Variants in TSEN54 observed in about 807,000 individuals in gnomAD.
TSEN54 encodes the protein tRNA-splicing endonuclease subunit Sen54.
Under a neutral mutation model 61.9 loss-of-function variants are expected in TSEN54, and 55 were observed. The ratio of observed to expected loss-of-function variants is 0.89; its 90% CI spans 0.72 to 1.11. The LOEUF (loss-of-function observed/expected upper bound fraction) is 1.11, where lower values mean the gene tolerates loss of function less well. Among genes scored for constraint, TSEN54 ranks in the 50% most tolerant of loss-of-function variants. TSEN54 has a pLI of 0.00. For missense variants in TSEN54, 760 were observed against 687.7 expected, an observed-to-expected ratio of 1.11 and a Z score of -1.18; for synonymous variants, 304 against 288.7, an observed-to-expected ratio of 1.05 and a Z score of -0.54.
intron 8 of TSEN54, 100 bp from the exon 9 acceptor site, chr17:75,523,174 GT>G: frequency 6.6e-7 from 1 of 1,524,152 alleles, no homozygotes; most frequent in Non-Finnish European, 9.1e-7. Flanking sequence ...GTGAGACTCC[GT>G]TTAAAAAAAA....
In TSEN54 at chr17:75,524,383, T is replaced by C. The variant is rs749096965; in HGVS notation, c.1552T>C (p.Phe518Leu). 2.7e-5 allele frequency: 43 copies of C among 1,614,174 alleles called. No individual in the cohort carries two copies. The East Asian group carries it at 9.6e-4, about 36-fold the overall frequency. ...GDISFYSFRD[F>L]TLPQDVGH ...CATCTCCTTCTACAGCTTCAGGGAC[T>C]TCACGTTGCCCCAGGATGTGGGGCA... Residue 518 changes from phenylalanine (F) to leucine (L), a missense_variant, in exon 11 of 11, where the codon TTC (phenylalanine) becomes CTC (leucine). Phe to Leu is a conservative substitution (Grantham distance 22). This residue lies in a region of TSEN54 where 83 missense variants were observed against 82.9 expected (regional missense o/e 1.00). Transcript: ENST00000333213.
At position 75,521,902 on chromosome 17, in the gene TSEN54, G is replaced by A. The variant is rs1460815000; in HGVS notation, c.821G>A (p.Gly274Glu). Residue 274 changes from glycine to glutamate, a missense_variant, in exon 8 of 11, where the codon GGG (glycine) becomes GAG (glutamate). Coordinates refer to ENST00000333213, the MANE Select transcript of TSEN54 (RefSeq NM_207346.3). The stretch of plus-strand genomic sequence containing the variant: ...CCCAGCCCTGGCCCGGCCAGGGAGG[G>A]GGTGGGGTGCAGCTGGGAGAGTGGC... ...LGPSPGPARE[G>E]VGCSWESGRA... is the part of the protein sequence containing the mutation. The A allele has an allele frequency of 2.5e-6, 4 of 1,609,930 alleles. No homozygotes were observed. The highest frequency in any genetic ancestry group is 3.4e-6 in the Non-Finnish European group (4 of 1,178,674).
At chr17:75,522,971 A>G in intron 8 of TSEN54, 1 of 397,240 alleles carries the variant, frequency 2.5e-6, no homozygotes, top group Non-Finnish European at 4.8e-6. Context: ...ACCTGAGGTC[A>G]GGAGTTCGAG....
intron 5 of TSEN54, chr17:75,518,504 A>T (rs1245770464): frequency 1.0e-6 from 1 of 984,176 alleles, no homozygotes; most frequent in Non-Finnish European, 1.2e-6. Context: ...TGCTGAGATC[A>T]AGCAGGATGG....
Position 75,517,052 on chromosome 17 carries a change from G to C in TSEN54, c.265G>C (p.Val89Leu). ...CGAGTGGAGGCCAGAAGAGGGCTTC[G>C]TGGAGTTGAAGTCTCCCGCGGTGAG... ...AAEWRPEEGF[V>L]ELKSPAGKFW... Residue 89 changes from valine to leucine, a missense_variant, in exon 3 of 11, where the codon GTG becomes CTG. By Grantham distance (32) the Val-to-Leu change is conservative. This residue lies in a region of TSEN54 where 667 missense variants were observed against 577.8 expected (regional missense o/e 1.15). Transcript: ENST00000333213. 6.3e-7 allele frequency: 1 copy of C among 1,597,096 alleles called. No individual in the cohort carries two copies. Among genetic ancestry groups the C allele is most frequent in the South Asian group, 1.1e-5 (1 of 88,482 alleles).
intron 8 of TSEN54, chr17:75,522,608 A>G: frequency 1.6e-6 from 2 of 1,284,614 alleles, no homozygotes; most frequent in Non-Finnish European, 2.0e-6. Context: ...CTTTGCCACC[A>G]ACTAGCTGTG....
At chr17:75,518,594 C>T (rs2147009071) in intron 5 of TSEN54, 2 of 985,410 alleles carry the variant, frequency 2.0e-6, no homozygotes, top group Admixed American at 1.2e-4. Flanking sequence ...AGAAACTTCC[C>T]ACCGGCATCT....
intron 10 of TSEN54, among the ~76,000 whole-genome samples, 200 bp downstream of exon 10, chr17:75,523,979 G>A (rs954568986): frequency 6.6e-6 from 1 of 152,184 alleles, no homozygotes; most frequent in African/African-American, 2.4e-5. Flanking sequence ...TGGCATTTTA[G>A]GGTAGTCTTT....
chr17:75,524,438 C>G lies in TSEN54; in HGVS notation c.*26C>G. ...CCTCACAGCTCTGCAGAGGATGGAGCTTGCTCCGGGGGACCGGGACTGTCT... is the reference window on the plus strand; with the variant it reads ...CCTCACAGCTCTGCAGAGGATGGAGGTTGCTCCGGGGGACCGGGACTGTCT... On this transcript the variant is annotated 3_prime_UTR_variant, in exon 11 of 11. Transcript: ENST00000333213. 6.2e-7 allele frequency: 1 copy of G among 1,613,788 alleles called. No homozygotes were observed. Among genetic ancestry groups the G allele is most frequent in the African/African-American group, 1.3e-5 (1 of 75,066 alleles).
In TSEN54 at chr17:75,521,489, A is replaced by G; in HGVS notation, c.602A>G (p.Lys201Arg). The G allele has an allele frequency of 6.2e-7, 1 of 1,614,096 alleles. No individual in the cohort carries two copies. Among genetic ancestry groups the G allele is most frequent in the South Asian group, 1.1e-5 (1 of 91,088 alleles). Residue 201 changes from lysine (K) to arginine (R), a missense_variant, in exon 7 of 11, where the codon AAG becomes AGG. Transcript: ENST00000333213. ...TTGGAGGATGGAGATGGCAAGAGAA[A>G]GAGGAGCAGCTCCAGCCCTCGGTAA... ...QHLEDGDGKRKRSSSSPRSIN... is the reference protein window; with the variant it reads ...QHLEDGDGKRRRSSSSPRSIN...
chr17:75,523,140 C>A, intron 8 of TSEN54, 135 bp from the exon 9 acceptor site: 1 of 1,174,220 alleles, frequency 8.5e-7, no homozygotes, highest in Non-Finnish European at 1.3e-6. Context: ...GATCACGCCA[C>A]TATACTCCAG....
intron 5 of TSEN54, among the ~76,000 whole-genome samples, chr17:75,518,074 A>G (rs1243064849): frequency 6.6e-6 from 1 of 152,332 alleles, no homozygotes; most frequent in African/African-American, 2.4e-5. Context: ...GCACCAGTGG[A>G]TGAAGGTGCT....
chr17:75,523,268 C>T lies in TSEN54; in HGVS notation c.1253-7C>T. On this transcript the variant is annotated splice_region_variant and splice_polypyrimidine_tract_variant and intron_variant, in intron 8 of 10. Transcript: ENST00000333213. ...TCCCCAGTACCTTGTTTTCTGTGTC[C>T]TTGTAGCCGTGGTCCTTCAGCATAT... 6.2e-7 allele frequency: 1 copy of T among 1,614,066 alleles called. No individual in the cohort carries two copies. Among genetic ancestry groups the T allele is most frequent in the Middle Eastern group, 1.6e-4 (1 of 6,062 alleles).
intron 8 of TSEN54, chr17:75,522,537 TAAG>T (rs1181240260): frequency 6.9e-7 from 1 of 1,442,850 alleles, no homozygotes; most frequent in South Asian, 1.4e-5. Context: ...TCAGGAGAGG[TAAG>T]GAGGGGTGGA....
chr17:75,521,943 G>A lies in TSEN54; in HGVS notation c.862G>A (p.Val288Ile), dbSNP rs199682817. Residue 288 changes from valine (V) to isoleucine (I), a missense_variant, in exon 8 of 11, where the codon GTC (valine) becomes ATC (isoleucine). Physicochemically the swap from Val to Ile is conservative, Grantham distance 29. Coordinates refer to ENST00000333213, the MANE Select transcript of TSEN54 (RefSeq NM_207346.3). ...SWESGRAENG[V>I]TGAGKRRWNF... ...GGAGAGTGGCAGAGCCGAGAACGGA[G>A]TCACGGGAGCCGGTAAGCGGCGCTG... 146 of 1,610,662 alleles carry A rather than the reference G, an allele frequency of 9.1e-5. 1 individual carries two copies. In the East Asian group the frequency reaches 3.0e-3, roughly 33 times the overall value.
At chr17:75,519,112 G>T (rs1053721941) in intron 6 of TSEN54, 65 bp downstream of exon 6, 1 of 1,580,700 alleles carries the variant, frequency 6.3e-7, no homozygotes, top group Non-Finnish European at 8.7e-7. Flanking sequence ...CTAGTCTAAG[G>T]TAGAAAATGG....
Position 75,517,632 on chromosome 17 carries a change from A to C in TSEN54, c.445A>C (p.Thr149Pro). ...EAYQLLLTDH[T>P]VTFLQYQVFS... ...TTACCAGCTGCTGCTGACCGACCAC[A>C]CTGTGACCTTCCTGCAGTACCAGGT... The change falls in exon 5 of 11, where the codon ACT (threonine) becomes CCT (proline). Residue 149 changes from threonine to proline, a missense_variant. Physicochemically the swap from Thr to Pro is conservative, Grantham distance 38. This residue lies in a region of TSEN54 where 667 missense variants were observed against 577.8 expected (regional missense o/e 1.15). Transcript: ENST00000333213. 6.2e-7 allele frequency: 1 copy of C among 1,613,722 alleles called. No homozygotes were observed. The highest frequency in any genetic ancestry group is 8.5e-7 in the Non-Finnish European group (1 of 1,179,974).
At chr17:75,519,161 CT>C in intron 6 of TSEN54, 114 bp downstream of exon 6, 3 of 1,223,302 alleles carry the variant, frequency 2.5e-6, no homozygotes, top group Non-Finnish European at 3.6e-6. Flanking sequence ...AGTGCAGTTC[CT>C]TGGGCACAGA....
chr17:75,517,605 G>T lies in TSEN54; in HGVS notation c.418G>T (p.Ala140Ser). 1 of 1,613,930 alleles carries T rather than the reference G, an allele frequency of 6.2e-7. No homozygotes were observed. ...HQDLPLSIQE[A>S]YQLLLTDHTV... is the part of the protein sequence containing the mutation. ...AGACCTGCCACTGTCTATCCAGGAA[G>T]CTTACCAGCTGCTGCTGACCGACCA... Residue 140 changes from alanine to serine, a missense_variant, in exon 5 of 11, where the codon GCT becomes TCT. Ala to Ser is a moderately conservative substitution (Grantham distance 99). This residue lies in a region of TSEN54 where 667 missense variants were observed against 577.8 expected (regional missense o/e 1.15). Transcript: ENST00000333213.
Sources: allele counts gnomAD v4.1 joint callset (sites outside exome capture counted in the v4.1 genomes callset), GRCh38; gene constraint gnomAD v4.1.1; regional missense constraint gnomAD v4.1.1; transcripts MANE v1.5; gene names NCBI Gene and HGNC (gene_info 2026-07-23, HGNC 2026-07-21).